RCC1L: variants seen among roughly 807,000 people sequenced by gnomAD.
The protein encoded by RCC1L is RCC1-like G exchanging factor-like protein.
A neutral mutation model predicts 58.6 loss-of-function variants in RCC1L; 46 were observed. That is an observed-to-expected ratio of 0.79 (90% CI 0.62 to 1.00). RCC1L has a LOEUF of 1.00. Among genes scored for constraint, RCC1L ranks in the 50% least tolerant of loss-of-function variants. RCC1L has a pLI of 0.00. For missense variants in RCC1L, 636 were observed against 623.6 expected (o/e 1.02, Z -0.21); for synonymous variants, 281 against 262.9 (o/e 1.07, Z -0.67).
At chr7:75,057,704 T>A in intron 7 of RCC1L, 88 bp from the exon 8 acceptor site, 2 of 1,151,058 alleles carry the variant, frequency 1.7e-6, no homozygotes, top group Non-Finnish European at 2.6e-6. Flanking sequence ...AGTAGCTGAG[T>A]CCTAGTTCAT....
At chr7:75,043,149 G>A (rs951943769) in intron 10 of RCC1L, 40 bp from the exon 11 acceptor site, 362 of 1,606,834 alleles carry the variant, frequency 2.3e-4, no homozygotes, top group Non-Finnish European at 2.9e-4. Flanking sequence ...TGGGGGTGGC[G>A]CACCCGGAGG....
intron 10 of RCC1L, among the ~76,000 whole-genome samples, chr7:75,032,418 C>G (rs900179186): frequency 1.3e-5 from 2 of 152,188 alleles, no homozygotes; most frequent in African/African-American, 2.4e-5. Context: ...AGAGGAGCAC[C>G]GTGCTTCTGG....
downstream of RCC1L, among the ~76,000 whole-genome samples, chr7:75,041,733 G>A (rs937926843): frequency 2.2e-4 from 34 of 151,730 alleles, no homozygotes; most frequent in African/African-American, 6.8e-4. Context: ...GTGTGGTGGC[G>A]CACACTTGTA....
intron 6 of RCC1L, among the ~76,000 whole-genome samples, chr7:75,060,465 C>T (rs200691900): frequency 1.3e-5 from 2 of 152,232 alleles, no homozygotes; most frequent in Non-Finnish European, 2.9e-5. Context: ...GAGTCTTGCT[C>T]TGTTGTCCAG....
At chr7:75,065,994 G>A (rs1187021329) in intron 3 of RCC1L, among the ~76,000 whole-genome samples, 2 of 148,926 alleles carry the variant, frequency 1.3e-5, no homozygotes, top group Admixed American at 6.8e-5. Context: ...CTCCAGCCTG[G>A]GCAGCACAGC....
At chr7:75,064,749 C>T (rs1806403132) in intron 3 of RCC1L, 101 bp from the exon 4 acceptor site, 1 of 1,287,394 alleles carries the variant, frequency 7.8e-7, no homozygotes, top group Non-Finnish European at 1.1e-6. Context: ...CCTGGTTACT[C>T]ACCCCCACCC....
intron 3 of RCC1L, among the ~76,000 whole-genome samples, chr7:75,066,355 G>C (rs1443954430): frequency 2.0e-5 from 3 of 152,084 alleles, no homozygotes; most frequent in African/African-American, 7.2e-5. Flanking sequence ...TCAGGAGGCT[G>C]AGGCAGGAGA....
downstream of RCC1L, among the ~76,000 whole-genome samples, chr7:75,041,986 A>G (rs1805581385): frequency 6.6e-6 from 1 of 152,158 alleles, no homozygotes; most frequent in South Asian, 2.1e-4. Context: ...GGGAGGCCTA[A>G]GCAGGAGGAT....
chr7:75,057,606 G>T lies in RCC1L; in HGVS notation c.980C>A (p.Pro327His), dbSNP rs1806122967. The change falls in exon 8 of 11, where the codon CCC becomes CAC. Residue 327 changes from proline (P) to histidine (H), a missense_variant. Transcript: ENST00000610322. ...SVTDSTQVNV[P>H]RCLHFSGVGK... ...CACTCCTGAGAAGTGTAAGCAGCGG[G>T]GCACATTCACCTGAACCAAAGAAAG... 1 of 1,613,884 alleles carries T rather than the reference G, an allele frequency of 6.2e-7. No individual in the cohort carries two copies. Among genetic ancestry groups the T allele is most frequent in the South Asian group, 1.1e-5 (1 of 91,064 alleles).
rs1414752573 is a variant in RCC1L, at chr7:75,057,603, C to T, written c.983G>A (p.Arg328His). 2.8e-5 allele frequency: 45 copies of T among 1,613,872 alleles called. No individual in the cohort carries two copies. Among genetic ancestry groups the T allele is most frequent in the South Asian group, 7.7e-5 (7 of 91,064 alleles). ...CCCCACTCCTGAGAAGTGTAAGCAG[C>T]GGGGCACATTCACCTGAACCAAAGA... ...VTDSTQVNVP[R>H]CLHFSGVGKV... The change falls in exon 8 of 11, where the codon CGC becomes CAC. Residue 328 changes from arginine to histidine, a missense_variant. Arg to His is a conservative substitution (Grantham distance 29). Coordinates refer to ENST00000610322, the MANE Select transcript of RCC1L (RefSeq NM_030798.5).
chr7:75,031,795 TTGGC>T (rs1805313054), intron 10 of RCC1L, among the ~76,000 whole-genome samples: 1 of 151,912 alleles, frequency 6.6e-6, no homozygotes, highest in Non-Finnish European at 1.5e-5. Context: ...TTCAGGAAGT[TTGGC>T]TGAGTGATTC....
chr7:75,059,197 A>G (rs1412626069), intron 6 of RCC1L, among the ~76,000 whole-genome samples: 1 of 150,734 alleles, frequency 6.6e-6, no homozygotes, highest in Non-Finnish European at 1.5e-5. Flanking sequence ...CAAAAAAAAA[A>G]AAAAAAGAAA....
chr7:75,064,466 AC>A, intron 4 of RCC1L, 115 bp downstream of exon 4: 1 of 1,121,670 alleles, frequency 8.9e-7, no homozygotes, highest in Non-Finnish European at 1.4e-6. Context: ...CTGAGTTCTC[AC>A]GGCCCCCTCT....
chr7:75,073,707 G>T lies in RCC1L; in HGVS notation c.31C>A (p.Arg11=), dbSNP rs1554446585. The T allele has an allele frequency of 3.3e-6, 5 of 1,493,030 alleles. No individual in the cohort carries two copies. The highest frequency in any genetic ancestry group is 3.5e-6 in the Non-Finnish European group (4 of 1,129,204). The allele number at this position is 1,493,030 out of a possible 1,614,324, so 92.5% of individuals were successfully genotyped here. A position where few individuals can be genotyped will look rare whatever the true frequency, so the allele number is the denominator to read the frequency against. Residue 11 remains arginine (R), a synonymous_variant, in exon 1 of 11, where the codon CGG becomes AGG. Transcript: ENST00000610322. Reference sequence around the variant, plus strand: ...GGCCCGCTCAGCCGCCGCCCCAGCCGAGCCCCAGCCACCAACGCCACCAGC... The same window carrying T: ...GGCCCGCTCAGCCGCCGCCCCAGCCTAGCCCCAGCCACCAACGCCACCAGC... The part of the protein sequence containing the change: MALVALVAGA[R]LGRRLSGPGL...
At chr7:75,045,520 C>CT (rs781987423) in intron 10 of RCC1L, among the ~76,000 whole-genome samples, 495 of 143,222 alleles carry the variant, frequency 3.5e-3, no homozygotes, top group African/African-American at 0.011. Flanking sequence ...ATGCATCTCT[C>CT]TTTTTTTTTT....
At chr7:75,047,542 C>T (rs1805762824) in intron 10 of RCC1L, among the ~76,000 whole-genome samples, 1 of 152,310 alleles carries the variant, frequency 6.6e-6, no homozygotes, top group Non-Finnish European at 1.5e-5. Context: ...GGATTATAGG[C>T]GTTGAGTTAC....
At chr7:75,054,161 C>T (rs1478968653) in intron 9 of RCC1L, among the ~76,000 whole-genome samples, 1 of 152,176 alleles carries the variant, frequency 6.6e-6, no homozygotes, top group Non-Finnish European at 1.5e-5. Context: ...ATCTTGGCCT[C>T]CCAAAGTGCT....
chr7:75,064,999 G>A (rs1430620977), intron 3 of RCC1L, among the ~76,000 whole-genome samples: 1 of 151,880 alleles, frequency 6.6e-6, no homozygotes, highest in East Asian at 1.9e-4. Context: ...AGTGAGGAGC[G>A]CCTCTGCCCA....
At chr7:75,036,086 G>A (rs1320546477) in intron 10 of RCC1L, among the ~76,000 whole-genome samples, 1 of 150,620 alleles carries the variant, frequency 6.6e-6, no homozygotes, top group Admixed American at 6.6e-5. Flanking sequence ...TTGAGGGGTA[G>A]AATCTGCTCC....
Sources: allele counts gnomAD v4.1 joint callset (sites outside exome capture counted in the v4.1 genomes callset), GRCh38; gene constraint gnomAD v4.1.1; transcripts MANE v1.5; gene names NCBI Gene and HGNC (gene_info 2026-07-23, HGNC 2026-07-21).